Variants in RPL10 observed in about 807,000 individuals in gnomAD.
RPL10 encodes the protein ribosomal protein L10.
A neutral mutation model predicts 15.7 loss-of-function variants in RPL10; 1 was observed. The observed-to-expected ratio is 0.06, with a 90% CI of 0.02 to 0.30. The LOEUF (loss-of-function observed/expected upper bound fraction) is 0.30. RPL10 is among the 10% of genes least tolerant of loss of function. The probability of loss-of-function intolerance (pLI) is 1.00; values close to 1 mark genes in which losing one functional copy is unlikely to be tolerated. For synonymous variants in RPL10, 59 were observed against 64.0 expected, an observed-to-expected ratio of 0.92 and a Z score of 0.37; for missense variants, 54 against 183.4, an observed-to-expected ratio of 0.29 and a Z score of 4.08.
chrX:154,399,292 C>T (rs1557185178), intron 2 of RPL10, 46 bp from the exon 3 acceptor site: 6 of 1,188,458 alleles, frequency 5.0e-6, no homozygotes, highest in South Asian at 3.5e-5. Context: ...GCCTGTTGGG[C>T]TTTCTGTGAA....
chrX:154,399,098 G>A (rs2067969020), intron 2 of RPL10: 1 of 460,311 alleles, frequency 2.2e-6, no homozygotes, highest in East Asian at 3.7e-5. Flanking sequence ...AGTGTTTATA[G>A]GAAGCGTAAG....
In RPL10 at chrX:154,398,592, G is replaced by T. The variant is rs782684475; in HGVS notation, c.23+50G>T. On this transcript the variant is annotated intron_variant, in intron 2 of 6. Coordinates refer to ENST00000369817, the MANE Select transcript of RPL10 (RefSeq NM_006013.5). Reference sequence around the variant, plus strand: ...CACTGCTGGGAAACGGGCGGGGAAAGAAGTGCCTATGGCCGCTGAAAACAA... The same window carrying T: ...CACTGCTGGGAAACGGGCGGGGAAATAAGTGCCTATGGCCGCTGAAAACAA... 2.5e-6 allele frequency: 3 copies of T among 1,199,202 alleles called. No individual in the cohort carries two copies. In the South Asian group the frequency reaches 5.3e-5, roughly 21 times the overall value.
chrX:154,398,217 C>G (rs2067950290), upstream of RPL10: 2 of 478,150 alleles, frequency 4.2e-6, no homozygotes, highest in Non-Finnish European at 7.6e-6. Context: ...CCTCTCTGAT[C>G]TGCGCATGTG....
At chrX:154,398,190 G>A, upstream of RPL10, 1 of 442,929 alleles carries the variant, frequency 2.3e-6, no homozygotes, top group Non-Finnish European at 4.1e-6. Context: ...GCCGCCCGCG[G>A]CCCTGGTACC....
intron 2 of RPL10, chrX:154,398,751 G>C: frequency 2.1e-6 from 1 of 479,527 alleles, no homozygotes; most frequent in Non-Finnish European, 3.6e-6. Flanking sequence ...GGAAGCGACG[G>C]TTCCCTCGTA....
At position 154,401,212 on chromosome X, in the gene RPL10, C is replaced by T. The variant is rs782799479; in HGVS notation, c.*358C>T. The T allele has an allele frequency of 1.0e-3, 306 of 291,599 alleles. No homozygotes were observed. The highest frequency in any genetic ancestry group is 1.6e-3 in the Non-Finnish European group (261 of 163,105). 24.0% of individuals were successfully genotyped at this position (291,599 alleles called of 1,213,427 possible). On this transcript the variant is annotated 3_prime_UTR_variant, in exon 7 of 7. Transcript: ENST00000369817. ...CAGCCTACAGTTGTGTTGCTTATTA[C>T]AACACATGCGGACCAAGAGGGGCTT...
intron 4 of RPL10, 34 bp from the exon 5 acceptor site, chrX:154,399,769 C>T (rs782228621): frequency 2.5e-6 from 3 of 1,209,189 alleles, no homozygotes; most frequent in South Asian, 1.8e-5. Flanking sequence ...CTATTATCTT[C>T]TCTCACTTTG....
At position 154,401,876 on chromosome X, in the gene RPL10, C is replaced by A. The variant is rs1209961393; in HGVS notation, c.*1022C>A. 8.9e-6 allele frequency: 1 copy of A among 111,878 alleles called. No homozygotes were observed. Among genetic ancestry groups the A allele is most frequent in the East Asian group, 2.8e-4 (1 of 3,602 alleles). The allele number at this position is 111,878 out of a possible 1,213,427, so 9.2% of individuals were successfully genotyped here. On this transcript the variant is annotated 3_prime_UTR_variant, in exon 7 of 7. Transcript: ENST00000369817. ...AAATGTGATTATAGTTAACACATGA[C>A]CCTTCTAGCGTCCCAGCCAGTGTTT...
At chrX:154,398,300 C>A (rs1557184772), upstream of RPL10, 5 of 551,538 alleles carry the variant, frequency 9.1e-6, no homozygotes, top group South Asian at 9.1e-5. Flanking sequence ...AGCGTCCACC[C>A]GTCTTCGACA....
At chrX:154,399,036 T>C in intron 2 of RPL10, 1 of 414,082 alleles carries the variant, frequency 2.4e-6, no homozygotes, top group Non-Finnish European at 4.4e-6. Flanking sequence ...GGCGATTTTG[T>C]AGTACGCAGT....
intron 2 of RPL10, chrX:154,398,749 C>G (rs2067961726): frequency 2.1e-6 from 1 of 480,216 alleles, no homozygotes; most frequent in East Asian, 3.7e-5. Context: ...GTGGAAGCGA[C>G]GGTTCCCTCG....
chrX:154,399,655 C>T (rs2067985858), intron 4 of RPL10, 61 bp downstream of exon 4: 2 of 1,146,586 alleles, frequency 1.7e-6, no homozygotes, highest in Non-Finnish European at 2.4e-6. Context: ...CTCAACCCCA[C>T]CCACATACAC....
rs2068034487 is a variant in RPL10, at chrX:154,401,517, G to C, written c.*663G>C. ...TAACAAGACCTCGGAACAGACACGT[G>C]TGTGGCATGGTTTGGCCTGGGGATC... is the stretch of plus-strand genomic sequence containing the variant. On this transcript the variant is annotated 3_prime_UTR_variant, in exon 7 of 7. Transcript: ENST00000369817. 1 of 119,514 alleles carries C rather than the reference G, an allele frequency of 8.4e-6. No individual in the cohort carries two copies. Among genetic ancestry groups the C allele is most frequent in the Non-Finnish European group, 1.7e-5 (1 of 57,260 alleles). 9.8% of individuals were successfully genotyped at this position (119,514 alleles called of 1,213,427 possible). A position where few individuals can be genotyped will look rare whatever the true frequency, so the allele number is the denominator to read the frequency against.
Position 154,401,943 on chromosome X carries a change from GGTCCGGCATGCTGCTGGCATTTTGCTGT to G in RPL10, c.*1094_*1121del, listed in dbSNP as rs1189613338. 9.0e-6 allele frequency: 1 copy of G among 111,484 alleles called. No individual in the cohort carries two copies. Among genetic ancestry groups the G allele is most frequent in the African/African-American group, 3.3e-5 (1 of 30,501 alleles). 9.2% of individuals were successfully genotyped at this position (111,484 alleles called of 1,213,427 possible). On this transcript the variant is annotated 3_prime_UTR_variant, in exon 7 of 7. Coordinates refer to ENST00000369817, the MANE Select transcript of RPL10 (RefSeq NM_006013.5). ...TTTGGAGAGGAGGATGGAAGGGAGG[GGTCCGGCATGCTGCTGGCATTTTGCTGT>G]GTCCTGCAGCCCCTTTCCGGGACAC... is the stretch of plus-strand genomic sequence containing the variant.
chrX:154,400,644 C>T lies in RPL10; in HGVS notation c.492+18C>T. Reference sequence around the variant, plus strand: ...GCCAGAAGGTATGTAGTGCTGCAGCCCCCTTCTCCCACCTTTGCCCCAGGC... The same window carrying T: ...GCCAGAAGGTATGTAGTGCTGCAGCTCCCTTCTCCCACCTTTGCCCCAGGC... On this transcript the variant is annotated intron_variant, in intron 6 of 6. Transcript: ENST00000369817. 2.5e-6 allele frequency: 3 copies of T among 1,211,321 alleles called. No individual in the cohort carries two copies. Among genetic ancestry groups the T allele is most frequent in the Non-Finnish European group, 3.4e-6 (3 of 895,180 alleles).
In RPL10 at chrX:154,399,344, G is replaced by T; in HGVS notation, c.30G>T (p.Arg10=). 2.5e-6 allele frequency: 3 copies of T among 1,211,304 alleles called. No individual in the cohort carries two copies. Among genetic ancestry groups the T allele is most frequent in the Non-Finnish European group, 3.4e-6 (3 of 895,311 alleles). ...TTTTTTCACTCCCCTGCAGTTACCG[G>T]TATTGTAAGAACAAGCCGTACCCAA... MGRRPARCY[R]YCKNKPYPKS... Residue 10 remains arginine (R), a synonymous_variant, in exon 3 of 7, where the codon CGG becomes CGT. Transcript: ENST00000369817.
At chrX:154,398,819 GC>G in intron 2 of RPL10, 1 of 418,921 alleles carries the variant, frequency 2.4e-6, no homozygotes, top group Non-Finnish European at 4.3e-6. Context: ...CGCTCTTGGG[GC>G]CTTTGTGTGC....
chrX:154,398,231 G>A (rs1557184738), upstream of RPL10: 1 of 486,773 alleles, frequency 2.1e-6, no homozygotes, highest in African/African-American at 2.3e-5. Flanking sequence ...GCATGTGCTG[G>A]GCTACGCCCG....
At chrX:154,398,858 G>C (rs1396916550) in intron 2 of RPL10, 1 of 389,802 alleles carries the variant, frequency 2.6e-6, no homozygotes, top group Non-Finnish European at 4.6e-6. Context: ...CGGGCGACGT[G>C]CCGCGTGCGT....
Sources: allele counts gnomAD v4.1 joint callset, GRCh38; gene constraint gnomAD v4.1.1; transcripts MANE v1.5; gene names NCBI Gene and HGNC (gene_info 2026-07-23, HGNC 2026-07-21).